The following CACNA1C variants were observed in gnomAD, a reference collection of about 807,000 sequenced individuals.
CACNA1C encodes calcium voltage-gated channel subunit alpha1 C.
In CACNA1C, 30 loss-of-function variants were observed where a neutral mutation model predicts 229.0. That is an observed-to-expected ratio of 0.13 (90% CI 0.10 to 0.18). The LOEUF (loss-of-function observed/expected upper bound fraction) is 0.18. CACNA1C is among the 10% of genes least tolerant of loss of function. The pLI is 1.00. For synonymous variants in CACNA1C, 1,114 were observed against 1,132.5 expected, an observed-to-expected ratio of 0.98 and a Z score of 0.33; for missense variants, 1,658 against 2,845.0, an observed-to-expected ratio of 0.58 and a Z score of 9.49.
rs759348290 is a variant in CACNA1C, at chr12:2,679,668, C to T, written c.5316C>T (p.Asn1772=). ...ACGCCAACATCAACAACGCCAACAA[C>T]ACCGCCCTGGGTCGCCTCCCTCGCC... ...GSNANINNAN[N]TALGRLPRPA... Residue 1772 remains asparagine, a synonymous_variant, in exon 42 of 47, where the codon AAC becomes AAT. Coordinates refer to ENST00000399655, the MANE Select transcript of CACNA1C (RefSeq NM_000719.7). This position sits in a 1 kb window ranked among gnomAD's most constrained non-coding sequence, Gnocchi z 5.5. 6.2e-7 allele frequency: 1 copy of T among 1,613,796 alleles called. No individual in the cohort carries two copies. Among genetic ancestry groups the T allele is most frequent in the Admixed American group, 1.7e-5 (1 of 60,000 alleles).
intron 3 of CACNA1C, among the ~76,000 whole-genome samples, chr12:2,268,135 C>T (rs2083157723): frequency 6.6e-6 from 1 of 152,148 alleles, no homozygotes; most frequent in South Asian, 2.1e-4. Flanking sequence ...GTCAGCAAAC[C>T]TTGACTGGCT....
Position 2,206,207 on chromosome 12 carries a change from G to A in CACNA1C, c.477+85777G>A, listed in dbSNP as rs894454679. Among the ~76,000 whole-genome samples the A allele has an allele frequency of 9.8e-5, 15 of 152,310 alleles. No individual in the cohort carries two copies. The East Asian group carries it at 2.7e-3, about 27-fold the overall frequency. On this transcript the variant is annotated intron_variant, in intron 3 of 46. Coordinates refer to ENST00000399655, the MANE Select transcript of CACNA1C (RefSeq NM_000719.7). The stretch of plus-strand genomic sequence containing the variant: ...ATCCGGCCCTTCTAAGGAGCTCCAG[G>A]AGACTTACAACCCAGCCCTTGGAAG...
chr12:2,456,321 C>T (rs1001929150), intron 4 of CACNA1C, among the ~76,000 whole-genome samples: 2 of 152,198 alleles, frequency 1.3e-5, no homozygotes, highest in East Asian at 1.9e-4. Context: ...GGATGACTGC[C>T]GCAGCTGGTC....
At chr12:2,394,666 G>T (rs1323261067) in intron 3 of CACNA1C, among the ~76,000 whole-genome samples, 1 of 152,142 alleles carries the variant, frequency 6.6e-6, no homozygotes, top group Non-Finnish European at 1.5e-5. Context: ...GACAAGAATG[G>T]CATCAAGTAG....
At chr12:2,513,111 G>T (rs1255151555) in intron 9 of CACNA1C, 127 bp downstream of exon 9, 5 of 616,990 alleles carry the variant, frequency 8.1e-6, no homozygotes, top group East Asian at 2.9e-5. Context: ...TGGAGCAGCA[G>T]TTATCTCACT....
intron 3 of CACNA1C, among the ~76,000 whole-genome samples, chr12:2,235,676 C>T (rs957952845): frequency 2.0e-5 from 3 of 152,098 alleles, no homozygotes; most frequent in African/African-American, 7.2e-5. Context: ...GTATTTGTGG[C>T]CCCCTTGGGA....
intron 3 of CACNA1C, among the ~76,000 whole-genome samples, chr12:2,208,113 CT>C (rs1225458181): frequency 6.6e-6 from 1 of 152,164 alleles, no homozygotes; most frequent in Non-Finnish European, 1.5e-5. Context: ...GAATTTCAGA[CT>C]TTAGCAGTTT....
chr12:2,230,265 T>C (rs1375343305), intron 3 of CACNA1C, among the ~76,000 whole-genome samples: 1 of 151,986 alleles, frequency 6.6e-6, no homozygotes, highest in African/African-American at 2.4e-5. Flanking sequence ...AAGGGCGCCA[T>C]GGGTGTACGT....
At chr12:2,425,639 C>T (rs1342682946) in intron 3 of CACNA1C, among the ~76,000 whole-genome samples, 1 of 152,176 alleles carries the variant, frequency 6.6e-6, no homozygotes, top group Non-Finnish European at 1.5e-5. Context: ...CTTTTGCAGC[C>T]AGTCTTTAGA....
At chr12:1,977,448 T>G (rs1311090129) in intron 1 of CACNA1C, among the ~76,000 whole-genome samples, 1 of 152,230 alleles carries the variant, frequency 6.6e-6, no homozygotes, top group Non-Finnish European at 1.5e-5. Flanking sequence ...GTCTTATGCA[T>G]TCTGATGTTC....
chr12:2,145,192 T>C (rs962049145), intron 3 of CACNA1C, among the ~76,000 whole-genome samples: 3 of 151,416 alleles, frequency 2.0e-5, no homozygotes, highest in Non-Finnish European at 3.0e-5. Context: ...TTTCCCCCTG[T>C]AGCTAGCCAT....
intron 3 of CACNA1C, among the ~76,000 whole-genome samples, chr12:2,395,867 G>A (rs2098558349): frequency 6.6e-6 from 1 of 152,184 alleles, no homozygotes; most frequent in South Asian, 2.1e-4. Flanking sequence ...CTTTGGTTGA[G>A]AAATTAGAAG....
chr12:1,981,897 G>C (rs2036246139), intron 1 of CACNA1C, among the ~76,000 whole-genome samples: 1 of 152,178 alleles, frequency 6.6e-6, no homozygotes, highest in Admixed American at 6.5e-5. Context: ...AAGCATGCAG[G>C]TAAGAGTGTT....
At chr12:2,454,871 GA>G (rs2099407184) in intron 4 of CACNA1C, among the ~76,000 whole-genome samples, 1 of 152,194 alleles carries the variant, frequency 6.6e-6, no homozygotes, top group Non-Finnish European at 1.5e-5. Flanking sequence ...GCAATCAGAA[GA>G]AACTTTCATG....
At chr12:2,522,022 A>G (rs2099810972) in intron 9 of CACNA1C, among the ~76,000 whole-genome samples, 1 of 152,164 alleles carries the variant, frequency 6.6e-6, no homozygotes, top group Admixed American at 6.5e-5. Flanking sequence ...TGTTTTCCAG[A>G]AACGCCTGCT....
intron 9 of CACNA1C, among the ~76,000 whole-genome samples, chr12:2,533,700 C>T (rs1002091878): frequency 5.3e-5 from 8 of 152,194 alleles, no homozygotes; most frequent in African/African-American, 1.7e-4. Context: ...AGGGCAGCCT[C>T]GCTCTTCCTT....
chr12:2,641,614 G>C, intron 30 of CACNA1C: 1 of 649,270 alleles, frequency 1.5e-6, no homozygotes, highest in East Asian at 2.9e-5. Context: ...ATGCTACCAA[G>C]ATGCCTTGTT....
At chr12:2,015,287 G>A (rs1475641328) in intron 1 of CACNA1C, among the ~76,000 whole-genome samples, 1 of 152,174 alleles carries the variant, frequency 6.6e-6, no homozygotes, top group Non-Finnish European at 1.5e-5. Context: ...TTTACTTGCT[G>A]TACAGCATCT....
At position 2,605,016 on chromosome 12, in the gene CACNA1C, C is replaced by A; in HGVS notation, c.2961-65C>A. 2 of 1,180,812 alleles carry A rather than the reference C, an allele frequency of 1.7e-6. No homozygotes were observed. The highest frequency in any genetic ancestry group is 2.4e-5 in the South Asian group (2 of 81,704). The allele number at this position is 1,180,812 out of a possible 1,614,324, so 73.1% of individuals were successfully genotyped here. ...TTCACCTGTCAGGACATTCCCTTAC[C>A]ACATTATTTTTGCTCCCCCCAGAAA... On this transcript the variant is annotated intron_variant, in intron 22 of 46. Transcript: ENST00000399655. The surrounding 1 kb of genome is among the most constrained non-coding windows in gnomAD (Gnocchi z 6.2).
Sources: allele counts gnomAD v4.1 joint callset (sites outside exome capture counted in the v4.1 genomes callset), GRCh38; gene constraint gnomAD v4.1.1; non-coding constraint Gnocchi (gnomAD v3.1); transcripts MANE v1.5; gene names NCBI Gene and HGNC (gene_info 2026-07-23, HGNC 2026-07-21).